The following ZC3H13 variants were observed in gnomAD, a reference collection of about 807,000 sequenced individuals.
ZC3H13 encodes the protein zinc finger CCCH domain-containing protein 13.
Under a neutral mutation model 204.1 loss-of-function variants are expected in ZC3H13, and 64 were observed. That is an observed-to-expected ratio of 0.31 (90% confidence interval 0.26 to 0.39). The LOEUF is 0.39. ZC3H13 is among the 10% of genes least tolerant of loss of function. The pLI is 1.00. For synonymous variants in ZC3H13, 667 were observed against 693.7 expected (o/e 0.96, Z 0.60); for missense variants, 1,833 against 2,082.7 (o/e 0.88, Z 2.33).
At chr13:46,033,380 T>G (rs2043017547) in intron 4 of ZC3H13, among the ~76,000 whole-genome samples, 1 of 152,074 alleles carries the variant, frequency 6.6e-6, no homozygotes, top group South Asian at 2.1e-4. Flanking sequence ...AAACCTTAAG[T>G]TGAGCTCAGT....
chr13:45,970,562 T>G, intron 12 of ZC3H13, 97 bp from the exon 13 acceptor site: 4 of 949,962 alleles, frequency 4.2e-6, no homozygotes, highest in Non-Finnish European at 6.4e-6. Context: ...AACTGGAACA[T>G]ATAATTGTAG....
At chr13:45,992,754 C>T (rs1322277507) in intron 8 of ZC3H13, among the ~76,000 whole-genome samples, 1 of 152,136 alleles carries the variant, frequency 6.6e-6, no homozygotes, top group Non-Finnish European at 1.5e-5. Flanking sequence ...TGGCCCTGAC[C>T]AATGTGTGTA....
At chr13:46,037,797 A>G (rs1381265213) in intron 4 of ZC3H13, among the ~76,000 whole-genome samples, 2 of 152,248 alleles carry the variant, frequency 1.3e-5, no homozygotes, top group Non-Finnish European at 2.9e-5. Flanking sequence ...TAAAATACTG[A>G]TAACATTATT....
rs1952399781 is a variant in ZC3H13, at chr13:45,969,525, G to GT, written c.3018dup (p.Arg1007ThrfsTer2). On this transcript the variant is annotated frameshift_variant, in exon 14 of 19. Coordinates refer to ENST00000679008, the MANE Select transcript of ZC3H13 (RefSeq NM_001330564.2). LOFTEE classifies it high-confidence loss of function. ...TCAGAATCACCTTTGGATTTTTTAC[G>GT]TTTTTTTTCAATGCTTTTCTTTTTC... is the stretch of plus-strand genomic sequence containing the variant. 1.9e-6 allele frequency: 3 copies of GT among 1,601,280 alleles called. No individual in the cohort carries two copies. Among genetic ancestry groups the GT allele is most frequent in the South Asian group, 2.3e-5 (2 of 87,714 alleles).
chr13:46,041,286 C>T (rs963614635), intron 4 of ZC3H13, among the ~76,000 whole-genome samples: 1 of 152,008 alleles, frequency 6.6e-6, no homozygotes, highest in South Asian at 2.1e-4. Context: ...TACTCTTTCA[C>T]GAACCTTGAA....
chr13:46,002,418 A>G (rs561017987), intron 8 of ZC3H13, among the ~76,000 whole-genome samples: 2 of 152,310 alleles, frequency 1.3e-5, no homozygotes, highest in Non-Finnish European at 2.9e-5. Context: ...ACTTCTGGGT[A>G]TATATACAAA....
intron 5 of ZC3H13, among the ~76,000 whole-genome samples, chr13:46,017,565 AAATG>A (rs1430542822): frequency 2.6e-5 from 4 of 152,196 alleles, no homozygotes; most frequent in African/African-American, 9.6e-5. Flanking sequence ...TGTCATTGTT[AAATG>A]AATGAATACA....
chr13:45,969,246 G>A lies in ZC3H13; in HGVS notation c.3298C>T (p.Leu1100Phe). Residue 1100 changes from leucine (L) to phenylalanine (F), a missense_variant, in exon 14 of 19, where the codon CTT (leucine) becomes TTT (phenylalanine). Coordinates refer to ENST00000679008, the MANE Select transcript of ZC3H13 (RefSeq NM_001330564.2). The stretch of plus-strand genomic sequence containing the variant: ...GCCACAGGCGGTGGAGGAGGAAGAA[G>A]AGAAGATAGAGGAGAAGGGGTACTA... ...PGSTPSPLSS[L>F]LPPPPPVATA... 6.2e-7 allele frequency: 1 copy of A among 1,614,068 alleles called. No homozygotes were observed. The highest frequency in any genetic ancestry group is 1.3e-5 in the African/African-American group (1 of 75,044).
chr13:46,005,504 T>C (rs2041070726), intron 7 of ZC3H13, among the ~76,000 whole-genome samples: 2 of 152,196 alleles, frequency 1.3e-5, no homozygotes. Context: ...TCTTCTTTTT[T>C]TTGGAGACAG....
At chr13:46,006,857 G>C (rs1289992067) in intron 7 of ZC3H13, among the ~76,000 whole-genome samples, 2 of 151,132 alleles carry the variant, frequency 1.3e-5, no homozygotes, top group Non-Finnish European at 2.9e-5. Context: ...ATGTAAACAA[G>C]TAGGAAATTA....
intron 4 of ZC3H13, among the ~76,000 whole-genome samples, chr13:46,028,488 TATCTAACAACAGC>T (rs2042680467): frequency 6.6e-6 from 1 of 152,220 alleles, no homozygotes. Flanking sequence ...TAGATGGCTT[TATCTAACAACAGC>T]AAAATACACA....
chr13:46,032,378 A>C (rs1044044724), intron 4 of ZC3H13, among the ~76,000 whole-genome samples: 6 of 146,810 alleles, frequency 4.1e-5, no homozygotes, highest in South Asian at 2.2e-4. Context: ...AAAAAAAAAA[A>C]ACAGAGAAAA....
In ZC3H13 at chr13:45,969,051, C is replaced by T. The variant is rs780873438; in HGVS notation, c.3493G>A (p.Val1165Ile). Reference protein sequence around the residue: ...DSHRKCHRTRVEKVETPHVTI... With the variant: ...DSHRKCHRTRIEKVETPHVTI... ...ACGTGAGGCGTCTCTACTTTTTCTA[C>T]TCGTGTTCTGTGGCATTTTCTGTGT... Residue 1165 changes from valine to isoleucine, a missense_variant, in exon 14 of 19, where the codon GTA (valine) becomes ATA (isoleucine). Physicochemically the swap from Val to Ile is conservative, Grantham distance 29 (BLOSUM62 3). This residue lies in a region of ZC3H13 where 1,574 missense variants were observed against 1,757.2 expected (regional missense o/e 0.90). Transcript: ENST00000679008. 2 of 1,614,148 alleles carry T rather than the reference C, an allele frequency of 1.2e-6. No individual in the cohort carries two copies. Among genetic ancestry groups the T allele is most frequent in the African/African-American group, 1.3e-5 (1 of 75,034 alleles).
In ZC3H13 at chr13:46,010,489, A is replaced by G. The variant is rs1329894501; in HGVS notation, c.605T>C (p.Val202Ala). Residue 202 changes from valine to alanine, a missense_variant, in exon 7 of 19, where the codon GTT becomes GCT. Around this residue, in one of 5 missense-constraint regions of ZC3H13, gnomAD observed 1,574 missense variants for 1,757.2 expected, o/e 0.90. Coordinates refer to ENST00000679008, the MANE Select transcript of ZC3H13 (RefSeq NM_001330564.2). ...IIKKEVSPEVVRSKLSPSPSL... is the reference protein window; with the variant it reads ...IIKKEVSPEVARSKLSPSPSL... ...AGGTGACGGGGACAATTTTGATCTA[A>G]CCACTTCTGGTGAAACCTTTAAAAA... 1 of 1,612,736 alleles carries G rather than the reference A, an allele frequency of 6.2e-7. No homozygotes were observed. Among genetic ancestry groups the G allele is most frequent in the East Asian group, 2.2e-5 (1 of 44,846 alleles).
chr13:46,013,703 T>C (rs1217227844), intron 5 of ZC3H13, among the ~76,000 whole-genome samples: 1 of 152,198 alleles, frequency 6.6e-6, no homozygotes, highest in South Asian at 2.1e-4. Flanking sequence ...GTCTCTCATG[T>C]AGCTTCAGGT....
rs530954200 is a variant in ZC3H13, at chr13:45,963,629, T to C, written c.4675+213A>G. On this transcript the variant is annotated intron_variant, in intron 17 of 18. Transcript: ENST00000679008. ...TCATACAAAAAGGTCATTGTACTCT[T>C]TTCCCAACTTTTCTGTGGGATAACT... 3.3e-5 allele frequency: 45 copies of C among 1,370,050 alleles called. No homozygotes were observed. The East Asian group carries it at 3.7e-4, about 11-fold the overall frequency. The allele number at this position is 1,370,050 out of a possible 1,614,324, so 84.9% of individuals were successfully genotyped here.
chr13:46,007,771 G>C (rs188859155), intron 7 of ZC3H13, among the ~76,000 whole-genome samples: 2 of 152,250 alleles, frequency 1.3e-5, no homozygotes, highest in African/African-American at 2.4e-5. Context: ...CTTCAGACTT[G>C]TGGCAAAGAG....
chr13:46,002,500 CA>C (rs2040822156), intron 8 of ZC3H13, among the ~76,000 whole-genome samples: 1 of 152,066 alleles, frequency 6.6e-6, no homozygotes, highest in African/African-American at 2.4e-5. Context: ...CAACAATAGC[CA>C]GGAGGTGAAA....
rs1480378540 is a variant in ZC3H13 at position 46,052,577 on chromosome 13, CG to C, written c.-184del. On this transcript the variant is annotated 5_prime_UTR_variant, in exon 1 of 19. Coordinates refer to ENST00000679008, the MANE Select transcript of ZC3H13 (RefSeq NM_001330564.2). ...CGGCTCTTGGCTAGCGAGGAGCCCC[CG>C]GGATGGCTGAGAAGCAGAACCAACC... 5.0e-6 allele frequency: 2 copies of C among 398,604 alleles called. No individual in the cohort carries two copies. The highest frequency in any genetic ancestry group is 8.8e-6 in the Non-Finnish European group (2 of 226,200). The allele number at this position is 398,604 out of a possible 1,614,324, so 24.7% of individuals were successfully genotyped here.
Sources: gnomAD v4.1 joint callset for allele counts (sites outside exome capture counted in the v4.1 genomes callset) on GRCh38, gnomAD v4.1.1 for gene constraint, gnomAD v4.1.1 regional missense constraint, MANE v1.5 for transcripts, NCBI Gene and HGNC (gene_info 2026-07-23, HGNC 2026-07-21) for gene names.